PALS1: variants seen among roughly 807,000 people sequenced by gnomAD.
PALS1 encodes protein PALS1.
Under a neutral mutation model 78.9 loss-of-function variants are expected in PALS1, and 31 were observed. The observed-to-expected ratio is 0.39, with a 90% CI of 0.30 to 0.53. The LOEUF is 0.53. Ranked by LOEUF, PALS1 falls within the 20% of genes least tolerant of loss-of-function variation. The pLI is 0.67. For synonymous variants in PALS1, 276 were observed against 270.9 expected, an observed-to-expected ratio of 1.02 and a Z score of -0.18; for missense variants, 704 against 826.5, an observed-to-expected ratio of 0.85 and a Z score of 1.82.
At position 67,284,536 on chromosome 14, in the gene PALS1, G is replaced by A. The variant is rs1212581921; in HGVS notation, c.367+4999G>A. Among the ~76,000 whole-genome samples the A allele has an allele frequency of 5.5e-5, 6 of 109,418 alleles. No individual in the cohort carries two copies. In the Admixed American group the frequency reaches 6.9e-4, roughly 13 times the overall value. 71.8% of individuals were successfully genotyped at this position (109,418 alleles called of 152,430 possible). ...TTGAGCTTTGAGCCCAGGAGATCGAGGCTGCAGTGCTAAAAAAAAAAAAAA... is the reference window on the plus strand; with the variant it reads ...TTGAGCTTTGAGCCCAGGAGATCGAAGCTGCAGTGCTAAAAAAAAAAAAAA... On this transcript the variant is annotated intron_variant, in intron 3 of 14. Coordinates refer to ENST00000261681, the MANE Select transcript of PALS1 (RefSeq NM_022474.4).
At chr14:67,285,620 G>A (rs759661490) in intron 3 of PALS1, among the ~76,000 whole-genome samples, 7 of 151,976 alleles carry the variant, frequency 4.6e-5, no homozygotes, top group South Asian at 4.1e-4. Context: ...CAGCCGCCTC[G>A]GTCTCCCAAA....
At chr14:67,308,394 C>T (rs2085040003) in intron 8 of PALS1, among the ~76,000 whole-genome samples, 1 of 151,260 alleles carries the variant, frequency 6.6e-6, no homozygotes, top group Admixed American at 6.6e-5. Context: ...GAGTACTAAC[C>T]TTTCCATTAA....
intron 4 of PALS1, among the ~76,000 whole-genome samples, chr14:67,293,837 G>A (rs1444391919): frequency 6.6e-6 from 1 of 152,146 alleles, no homozygotes; most frequent in Non-Finnish European, 1.5e-5. Context: ...AGGAAGGTTT[G>A]TCCAGCTGGC....
chr14:67,277,004 T>C (rs2084516561), intron 2 of PALS1, among the ~76,000 whole-genome samples: 1 of 152,176 alleles, frequency 6.6e-6, no homozygotes, highest in Non-Finnish European at 1.5e-5. Context: ...TAGAGAGGGT[T>C]AAGAGTTTTA....
intron 4 of PALS1, among the ~76,000 whole-genome samples, chr14:67,300,931 A>G (rs185378544): frequency 3.2e-4 from 48 of 152,192 alleles, no homozygotes; most frequent in Non-Finnish European, 5.4e-4. Context: ...GGCTTAAGCA[A>G]TCCGCTTGCC....
At chr14:67,318,238 A>G (rs1367586360) in intron 11 of PALS1, among the ~76,000 whole-genome samples, 1 of 152,246 alleles carries the variant, frequency 6.6e-6, no homozygotes, top group East Asian at 1.9e-4. Flanking sequence ...TGGGAGCAGC[A>G]CACATTAAAC....
intron 8 of PALS1, among the ~76,000 whole-genome samples, chr14:67,309,395 C>A (rs971556823): frequency 6.6e-6 from 1 of 152,022 alleles, no homozygotes; most frequent in Non-Finnish European, 1.5e-5. Context: ...AATAAATTTT[C>A]CTTAGGAAAA....
chr14:67,292,775 G>A lies in PALS1; in HGVS notation c.576+56G>A. The A allele has an allele frequency of 6.5e-6, 9 of 1,375,252 alleles. No homozygotes were observed. The South Asian group carries it at 1.1e-4, about 17-fold the overall frequency. 85.2% of individuals were successfully genotyped at this position (1,375,252 alleles called of 1,614,324 possible). A position where few individuals can be genotyped will look rare whatever the true frequency, so the allele number is the denominator to read the frequency against. ...ACAAGGTAATTAGTAGTGGCAGGAA[G>A]GCAGGATTATTGGAAAATACTAATG... On this transcript the variant is annotated intron_variant, in intron 4 of 14. Coordinates refer to ENST00000261681, the MANE Select transcript of PALS1 (RefSeq NM_022474.4).
In PALS1 at chr14:67,333,758, A is replaced by G. The variant is rs2085485131; in HGVS notation, c.*802A>G. 6.6e-6 allele frequency: 1 copy of G among 152,592 alleles called. No individual in the cohort carries two copies. The highest frequency in any genetic ancestry group is 6.5e-5 in the Admixed American group (1 of 15,268). 9.5% of individuals were successfully genotyped at this position (152,592 alleles called of 1,614,324 possible). On this transcript the variant is annotated 3_prime_UTR_variant, in exon 15 of 15. Transcript: ENST00000261681. ...TCCCTTCCCTCATCAGCATAGTATA[A>G]TAGAATGTATGTTACATTTTTATGA...
chr14:67,299,736 A>T (rs982076416), intron 4 of PALS1, among the ~76,000 whole-genome samples: 4 of 152,206 alleles, frequency 2.6e-5, no homozygotes, highest in African/African-American at 9.6e-5. Context: ...GGGAGTTCTA[A>T]ATTTCTTTAG....
At chr14:67,242,720 A>G (rs776969942) in intron 1 of PALS1, among the ~76,000 whole-genome samples, 1 of 152,146 alleles carries the variant, frequency 6.6e-6, no homozygotes, top group Non-Finnish European at 1.5e-5. Context: ...TTAAATTATA[A>G]TGTAAGAGAT....
At chr14:67,274,303 G>C (rs2084461749) in intron 2 of PALS1, among the ~76,000 whole-genome samples, 1 of 152,152 alleles carries the variant, frequency 6.6e-6, no homozygotes, top group African/African-American at 2.4e-5. Flanking sequence ...TTTTGTATAA[G>C]GTGTAAGGAA....
At chr14:67,244,484 A>T (rs2083956972) in intron 1 of PALS1, among the ~76,000 whole-genome samples, 1 of 152,240 alleles carries the variant, frequency 6.6e-6, no homozygotes, top group Admixed American at 6.5e-5. Flanking sequence ...TCTTTAAAAA[A>T]TATTTAACTC....
intron 1 of PALS1, among the ~76,000 whole-genome samples, chr14:67,264,809 TTA>T (rs2084294233): frequency 6.6e-6 from 1 of 152,258 alleles, no homozygotes; most frequent in African/African-American, 2.4e-5. Flanking sequence ...TACAGATGTG[TTA>T]TATATATGCT....
intron 8 of PALS1, among the ~76,000 whole-genome samples, chr14:67,304,857 G>A (rs1324904948): frequency 6.6e-6 from 1 of 152,130 alleles, no homozygotes; most frequent in Non-Finnish European, 1.5e-5. Flanking sequence ...TTGATGTATT[G>A]CATCTGTTAT....
chr14:67,293,644 CT>C (rs923181882), intron 4 of PALS1, among the ~76,000 whole-genome samples: 13 of 152,096 alleles, frequency 8.5e-5, no homozygotes, highest in Admixed American at 8.5e-4. Context: ...TTACCTTGAT[CT>C]TATACTATTC....
chr14:67,276,981 C>T (rs2084516139), intron 2 of PALS1, among the ~76,000 whole-genome samples: 1 of 152,020 alleles, frequency 6.6e-6, no homozygotes, highest in Non-Finnish European at 1.5e-5. Context: ...TTTTTAATAT[C>T]CAGTAATTGT....
At chr14:67,276,036 C>CT (rs1254385470) in intron 2 of PALS1, among the ~76,000 whole-genome samples, 1 of 152,058 alleles carries the variant, frequency 6.6e-6, no homozygotes, top group African/African-American at 2.4e-5. Context: ...TGCTAGTAGT[C>CT]TATCAATTTT....
chr14:67,264,980 G>A (rs1278908437), intron 1 of PALS1, among the ~76,000 whole-genome samples: 2 of 151,992 alleles, frequency 1.3e-5, no homozygotes, highest in Non-Finnish European at 2.9e-5. Flanking sequence ...GTGGGTTTAA[G>A]TTATAATACA....
Sources: gnomAD v4.1 joint callset for allele counts (sites outside exome capture counted in the v4.1 genomes callset) on GRCh38, gnomAD v4.1.1 for gene constraint, MANE v1.5 for transcripts, NCBI Gene and HGNC (gene_info 2026-07-23, HGNC 2026-07-21) for gene names.